HHAT: variants seen among roughly 807,000 people sequenced by gnomAD.
The protein encoded by HHAT is protein-cysteine N-palmitoyltransferase HHAT.
Under a neutral mutation model 70.8 loss-of-function variants are expected in HHAT, and 47 were observed. That is an observed-to-expected ratio of 0.66 (90% CI 0.53 to 0.85). The LOEUF is 0.85. HHAT is among the 40% of genes least tolerant of loss of function. The probability of loss-of-function intolerance (pLI) is 0.00; values close to 1 mark genes in which losing one functional copy is unlikely to be tolerated. For missense variants in HHAT, 609 were observed against 604.8 expected, an observed-to-expected ratio of 1.01 and a Z score of -0.07; for synonymous variants, 228 against 247.6, an observed-to-expected ratio of 0.92 and a Z score of 0.74.
chr1:210,365,315 T>TTTTTTTTTG (rs2088819142), intron 3 of HHAT, among the ~76,000 whole-genome samples: 1 of 124,160 alleles, frequency 8.1e-6, no homozygotes, highest in Non-Finnish European at 1.7e-5. Flanking sequence ...GACAGTTTTT[T>TTTTTTTTTG]TTTTTTTTTT....
intron 4 of HHAT, among the ~76,000 whole-genome samples, chr1:210,390,899 G>T (rs1333619573): frequency 6.6e-6 from 1 of 152,178 alleles, no homozygotes; most frequent in Non-Finnish European, 1.5e-5. Flanking sequence ...CCACTCATTG[G>T]TTGATGGGCA....
In HHAT at chr1:210,374,361, A is replaced by G. The variant is rs566783637; in HGVS notation, c.159+11442A>G. On this transcript the variant is annotated intron_variant, in intron 3 of 11. Transcript: ENST00000261458. ...GTTCGCACAAAAAGAATTACTGCCT[A>G]CAGTTTGCACAAAAAGAATTCTTTA... is the stretch of plus-strand genomic sequence containing the variant. 10 of 152,368 alleles carry G rather than the reference A, an allele frequency of 6.6e-5. No individual in the cohort carries two copies. The East Asian group carries it at 1.9e-3, about 29-fold the overall frequency. The allele number at this position is 152,368 out of a possible 1,614,324, so 9.4% of individuals were successfully genotyped here. A position where few individuals can be genotyped will look rare whatever the true frequency, so the allele number is the denominator to read the frequency against.
intron 1 of HHAT, among the ~76,000 whole-genome samples, chr1:210,341,256 A>T (rs2086018025): frequency 6.6e-6 from 1 of 152,214 alleles, no homozygotes; most frequent in Non-Finnish European, 1.5e-5. Context: ...GCATGTGAGT[A>T]TTGGGTTATA....
intron 8 of HHAT, among the ~76,000 whole-genome samples, chr1:210,495,981 A>G (rs1198503484): frequency 1.5e-5 from 2 of 131,472 alleles, no homozygotes; most frequent in Non-Finnish European, 3.1e-5. Flanking sequence ...ACTGCATTCC[A>G]GCCTGGGCAA....
At position 210,404,691 on chromosome 1, in the gene HHAT, T is replaced by C; in HGVS notation, c.684+12T>C. The C allele has an allele frequency of 1.2e-6, 2 of 1,602,582 alleles. No homozygotes were observed. The highest frequency in any genetic ancestry group is 1.7e-6 in the Non-Finnish European group (2 of 1,170,072). On this transcript the variant is annotated intron_variant, in intron 6 of 11. Coordinates refer to ENST00000261458, the MANE Select transcript of HHAT (RefSeq NM_018194.6). ...AGTTCATCAAACAGGTAGAGCCCGC[T>C]GGGGATGGGATTGGGATTCTATAGC...
intron 9 of HHAT, among the ~76,000 whole-genome samples, chr1:210,533,951 C>T (rs1294593779): frequency 6.6e-6 from 1 of 152,120 alleles, no homozygotes; most frequent in South Asian, 2.1e-4. Flanking sequence ...AGAATACTCA[C>T]GGGTCCCCAA....
intron 2 of HHAT, among the ~76,000 whole-genome samples, chr1:210,355,786 T>C (rs2087547234): frequency 6.6e-6 from 1 of 152,234 alleles, no homozygotes; most frequent in South Asian, 2.1e-4. Context: ...TGTCTGATGT[T>C]ATTCACTTCT....
chr1:210,466,611 C>T (rs1363179186), intron 8 of HHAT, among the ~76,000 whole-genome samples: 1 of 152,178 alleles, frequency 6.6e-6, no homozygotes, highest in African/African-American at 2.4e-5. Flanking sequence ...AAAGGCTTCT[C>T]CCATATTGGC....
At chr1:210,534,152 C>T (rs901941986) in intron 9 of HHAT, among the ~76,000 whole-genome samples, 1 of 152,218 alleles carries the variant, frequency 6.6e-6, no homozygotes, top group African/African-American at 2.4e-5. Flanking sequence ...CTCCTAGGTG[C>T]TGTTCTGGGC....
intron 10 of HHAT, among the ~76,000 whole-genome samples, chr1:210,613,077 G>A (rs541185813): frequency 6.6e-6 from 1 of 151,866 alleles, no homozygotes; most frequent in African/African-American, 2.4e-5. Flanking sequence ...TTTTTACTCT[G>A]TTAATAGTAT....
Position 210,674,599 on chromosome 1 carries a change from C to T in HHAT, c.*220C>T, listed in dbSNP as rs1680843083. On this transcript the variant is annotated 3_prime_UTR_variant, in exon 12 of 12. Transcript: ENST00000261458. ...ATCTTCTACCCCAACTCATCATTTT[C>T]CTATTGAGGAAACGGGTCCAGGGCA... is the stretch of plus-strand genomic sequence containing the variant. 3.8e-6 allele frequency: 2 copies of T among 529,924 alleles called. No individual in the cohort carries two copies. The highest frequency in any genetic ancestry group is 6.7e-6 in the Non-Finnish European group (2 of 297,944). The allele number at this position is 529,924 out of a possible 1,614,324, so 32.8% of individuals were successfully genotyped here.
intron 7 of HHAT, among the ~76,000 whole-genome samples, chr1:210,463,693 A>T (rs1160043670): frequency 6.6e-6 from 1 of 152,204 alleles, no homozygotes; most frequent in African/African-American, 2.4e-5. Context: ...TTGCTGGATC[A>T]TATGTAACTC....
intron 2 of HHAT, among the ~76,000 whole-genome samples, chr1:210,359,069 A>G (rs568313223): frequency 7.9e-5 from 12 of 152,292 alleles, no homozygotes; most frequent in Admixed American, 7.8e-4. Flanking sequence ...GGAGCACTGA[A>G]TTTGGGGAAA....
At chr1:210,634,836 GA>G (rs1558321889) in intron 11 of HHAT, among the ~76,000 whole-genome samples, 1 of 152,178 alleles carries the variant, frequency 6.6e-6, no homozygotes, top group African/African-American at 2.4e-5. Context: ...GCTTTACTAA[GA>G]AAAGCAAAAG....
chr1:210,362,979 A>G, intron 3 of HHAT, 60 bp downstream of exon 3: 1 of 1,330,920 alleles, frequency 7.5e-7, no homozygotes. Flanking sequence ...ATTTCACATC[A>G]CATTTGTATT....
chr1:210,614,746 A>C (rs975597890), intron 10 of HHAT, among the ~76,000 whole-genome samples: 7 of 152,120 alleles, frequency 4.6e-5, no homozygotes, highest in Non-Finnish European at 8.8e-5. Context: ...TGAACTCATC[A>C]TTTTTTATGG....
Position 210,588,026 on chromosome 1 carries a change from T to C in HHAT, c.1172T>C (p.Leu391Pro), listed in dbSNP as rs1447758274. The change falls in exon 10 of 12, where the codon CTC (leucine) becomes CCC (proline). Residue 391 changes from leucine to proline, a missense_variant. Coordinates refer to ENST00000261458, the MANE Select transcript of HHAT (RefSeq NM_018194.6). ...GYDYLWCWAA[L>P]NWLGVTVENG... Reference sequence around the variant, plus strand: ...GACTACCTCTGGTGCTGGGCAGCGCTCAACTGGCTGGGAGTCACTGTGGAG... The same window carrying C: ...GACTACCTCTGGTGCTGGGCAGCGCCCAACTGGCTGGGAGTCACTGTGGAG... The C allele has an allele frequency of 6.2e-7, 1 of 1,613,864 alleles. No homozygotes were observed. Among genetic ancestry groups the C allele is most frequent in the Non-Finnish European group, 8.5e-7 (1 of 1,179,984 alleles).
intron 1 of HHAT, among the ~76,000 whole-genome samples, chr1:210,329,996 C>T (rs144278600): frequency 7.7e-4 from 118 of 152,302 alleles, no homozygotes; most frequent in African/African-American, 2.7e-3. Flanking sequence ...ATCTGCCCAC[C>T]TCGACCTCCC....
intron 4 of HHAT, among the ~76,000 whole-genome samples, chr1:210,390,212 A>G (rs185866949): frequency 2.9e-4 from 44 of 152,336 alleles, no homozygotes; most frequent in Non-Finnish European, 5.6e-4. Flanking sequence ...AACAGAGCTC[A>G]GAGAGGCTCT....
Sources: allele counts gnomAD v4.1 joint callset (sites outside exome capture counted in the v4.1 genomes callset), GRCh38; gene constraint gnomAD v4.1.1; transcripts MANE v1.5; gene names NCBI Gene and HGNC (gene_info 2026-07-23, HGNC 2026-07-21).